EPSTI1: variants seen among roughly 807,000 people sequenced by gnomAD.
EPSTI1 encodes the protein epithelial stromal interaction 1.
EPSTI1 carries 66 observed loss-of-function variants against 49.9 expected under a neutral mutation model. The ratio of observed to expected loss-of-function variants is 1.32; its 90% CI spans 1.08 to 1.62. EPSTI1 has a LOEUF of 1.62. Among genes scored for constraint, EPSTI1 ranks in the 40% most tolerant of loss-of-function variants. EPSTI1 has a pLI of 0.00. For synonymous variants in EPSTI1, 137 were observed against 130.7 expected (o/e 1.05, Z -0.33); for missense variants, 394 against 365.5 (o/e 1.08, Z -0.64).
intron 5 of EPSTI1, among the ~76,000 whole-genome samples, chr13:42,959,314 TCCA>T (rs2039372222): frequency 6.6e-6 from 1 of 152,226 alleles, no homozygotes; most frequent in Admixed American, 6.5e-5. Context: ...GCTTAATGCT[TCCA>T]CCAAGTCATC....
At chr13:42,949,990 T>C (rs547819978) in intron 6 of EPSTI1, among the ~76,000 whole-genome samples, 2 of 152,342 alleles carry the variant, frequency 1.3e-5, no homozygotes, top group East Asian at 3.9e-4. Flanking sequence ...CTTCACGTCT[T>C]CCATCTAATA....
At chr13:42,986,137 C>T (rs1057154038) in intron 1 of EPSTI1, among the ~76,000 whole-genome samples, 1 of 152,212 alleles carries the variant, frequency 6.6e-6, no homozygotes, top group Non-Finnish European at 1.5e-5. Context: ...CACTCACAGG[C>T]AAGGTGTAAT....
chr13:42,979,450 C>T (rs1029948170), intron 1 of EPSTI1, among the ~76,000 whole-genome samples: 19 of 151,848 alleles, frequency 1.3e-4, no homozygotes, highest in Admixed American at 7.9e-4. Flanking sequence ...GGCGTGGTGG[C>T]GGGTGCCTGT....
chr13:42,956,782 G>A lies in EPSTI1; in HGVS notation c.490-2761C>T, dbSNP rs1182315250. ...TACAAAGGTACAAGAGAATATGTTAGCTCAAGGAAACCCAAGAAGCTCATG... is the reference window on the plus strand; with the variant it reads ...TACAAAGGTACAAGAGAATATGTTAACTCAAGGAAACCCAAGAAGCTCATG... On this transcript the variant is annotated intron_variant, in intron 5 of 10. Transcript: ENST00000313624. 3.3e-5 allele frequency among the ~76,000 whole-genome samples: 5 copies of A among 152,156 alleles called. No homozygotes were observed. The East Asian group carries it at 9.6e-4, about 29-fold the overall frequency.
rs929793560 is a variant in EPSTI1 at position 42,922,619 on chromosome 13, C to T, written c.657+3717G>A. Among the ~76,000 whole-genome samples the T allele has an allele frequency of 1.3e-5, 2 of 152,186 alleles. No homozygotes were observed. Among genetic ancestry groups the T allele is most frequent in the South Asian group, 2.1e-4 (1 of 4,822 alleles). On this transcript the variant is annotated intron_variant, in intron 7 of 10. Coordinates refer to ENST00000313624, the MANE Select transcript of EPSTI1 (RefSeq NM_033255.5). The surrounding 1 kb of genome is among the most constrained non-coding windows in gnomAD (Gnocchi z 4.8). The stretch of plus-strand genomic sequence containing the variant: ...AATAAATTTTTGTTCTATTAGGTCA[C>T]TACATTCGTGGTAATTTGTTACAGC...
At chr13:42,975,111 A>T (rs1452869245) in intron 1 of EPSTI1, among the ~76,000 whole-genome samples, 1 of 152,238 alleles carries the variant, frequency 6.6e-6, no homozygotes, top group Non-Finnish European at 1.5e-5. Flanking sequence ...CTTTCCAGAT[A>T]AGACATTCCA....
At chr13:42,901,310 T>C (rs866726365) in intron 8 of EPSTI1, among the ~76,000 whole-genome samples, 2 of 152,120 alleles carry the variant, frequency 1.3e-5, no homozygotes, top group African/African-American at 4.8e-5. Context: ...AAACTCAAAG[T>C]TCAGGCTGAC....
At chr13:42,963,193 T>C (rs2039507955) in intron 5 of EPSTI1, 62 bp downstream of exon 5, 1 of 1,355,688 alleles carries the variant, frequency 7.4e-7, no homozygotes, top group African/African-American at 1.5e-5. Flanking sequence ...ATAATAAAAA[T>C]CTTCTACAAC....
chr13:42,902,416 C>T (rs901241110), intron 8 of EPSTI1, among the ~76,000 whole-genome samples: 5 of 152,106 alleles, frequency 3.3e-5, no homozygotes, highest in Non-Finnish European at 7.4e-5. Context: ...ACTGGCTTTC[C>T]CTGCTCCACT....
chr13:42,957,985 T>C (rs559268971), intron 5 of EPSTI1, among the ~76,000 whole-genome samples: 8 of 152,378 alleles, frequency 5.3e-5, no homozygotes, highest in African/African-American at 1.7e-4. Context: ...TTGCCCAGAC[T>C]GGTCTCAAAG....
intron 1 of EPSTI1, among the ~76,000 whole-genome samples, chr13:42,983,849 A>T (rs1208426974): frequency 6.6e-6 from 1 of 152,208 alleles, no homozygotes; most frequent in Non-Finnish European, 1.5e-5. Flanking sequence ...GCACATGGCT[A>T]ATCATGGAAA....
intron 1 of EPSTI1, among the ~76,000 whole-genome samples, chr13:42,972,720 G>A (rs1201518985): frequency 6.6e-6 from 1 of 152,330 alleles, no homozygotes; most frequent in South Asian, 2.1e-4. Context: ...TGTAGAGAGT[G>A]AGGGGAGATT....
At chr13:42,974,860 T>A (rs1490283498) in intron 1 of EPSTI1, among the ~76,000 whole-genome samples, 2 of 152,184 alleles carry the variant, frequency 1.3e-5, no homozygotes, top group Non-Finnish European at 2.9e-5. Flanking sequence ...GCACCAGATG[T>A]AATTTAAATT....
In EPSTI1 at chr13:42,888,193, C is replaced by T; in HGVS notation, c.*301G>A. 1.3e-6 allele frequency: 2 copies of T among 1,585,602 alleles called. No individual in the cohort carries two copies. The highest frequency in any genetic ancestry group is 1.7e-6 in the Non-Finnish European group (2 of 1,161,662). On this transcript the variant is annotated 3_prime_UTR_variant, in exon 11 of 11. Coordinates refer to ENST00000313624, the MANE Select transcript of EPSTI1 (RefSeq NM_033255.5). ...CCCATAGCTCTGATTAACCTGAAAG[C>T]ATCAAGTGACTCCCTCTTTTTCTAC...
At chr13:42,944,963 A>C (rs963148982) in intron 6 of EPSTI1, among the ~76,000 whole-genome samples, 1 of 152,172 alleles carries the variant, frequency 6.6e-6, no homozygotes, top group Non-Finnish European at 1.5e-5. Context: ...TCTAGATAGA[A>C]TTGATTAAGA....
chr13:42,970,282 C>T (rs946707379), intron 2 of EPSTI1: 7 of 195,814 alleles, frequency 3.6e-5, no homozygotes, highest in East Asian at 2.5e-4. Context: ...ATGTTATGTA[C>T]GCATTAAGTA....
chr13:42,949,589 G>A (rs2039031834), intron 6 of EPSTI1, among the ~76,000 whole-genome samples: 1 of 114,588 alleles, frequency 8.7e-6, no homozygotes, highest in African/African-American at 3.6e-5. Flanking sequence ...AAGACTCCAT[G>A]TCAAAAAAAA....
chr13:42,968,106 G>C (rs1236094535), intron 3 of EPSTI1, among the ~76,000 whole-genome samples: 1 of 152,112 alleles, frequency 6.6e-6, no homozygotes, highest in Non-Finnish European at 1.5e-5. Context: ...CATCCAAAAA[G>C]CCTGAGAAAG....
intron 3 of EPSTI1, among the ~76,000 whole-genome samples, chr13:42,968,356 C>T (rs2039674398): frequency 6.6e-6 from 1 of 152,208 alleles, no homozygotes; most frequent in Admixed American, 6.5e-5. Flanking sequence ...GGGAACTTCT[C>T]TAAAACTATC....
Sources: gnomAD v4.1 joint callset for allele counts (sites outside exome capture counted in the v4.1 genomes callset) on GRCh38, gnomAD v4.1.1 for gene constraint, Gnocchi (gnomAD v3.1) non-coding constraint, MANE v1.5 for transcripts, NCBI Gene and HGNC (gene_info 2026-07-23, HGNC 2026-07-21) for gene names.